The following SEMA3A variants were observed in gnomAD, a reference collection of about 807,000 sequenced individuals.
The protein encoded by SEMA3A is semaphorin-3A.
SEMA3A carries 29 observed loss-of-function variants against 97.9 expected under a neutral mutation model. The ratio of observed to expected loss-of-function variants is 0.30; its 90% confidence interval spans 0.22 to 0.40. The LOEUF (loss-of-function observed/expected upper bound fraction) is 0.40. Ranked by LOEUF, SEMA3A falls within the 10% of genes least tolerant of loss-of-function variation. The pLI is 1.00. For synonymous variants in SEMA3A, 321 were observed against 323.7 expected (o/e 0.99, Z 0.09); for missense variants, 763 against 951.3 (o/e 0.80, Z 2.60).
chr7:83,986,478 A>C (rs1472661463), intron 12 of SEMA3A, among the ~76,000 whole-genome samples: 1 of 152,212 alleles, frequency 6.6e-6, no homozygotes. Flanking sequence ...TGATGTAGAC[A>C]GACTACCAAA....
At chr7:84,269,584 T>C (rs969082800) in intron 3 of SEMA3A, among the ~76,000 whole-genome samples, 1 of 152,108 alleles carries the variant, frequency 6.6e-6, no homozygotes, top group Non-Finnish European at 1.5e-5. Context: ...AGAGCACATA[T>C]GAAAATTGGG....
rs2116242853 is a variant in SEMA3A at position 83,960,882 on chromosome 7, T to G, written c.*489A>C. ...TTTCATTCAGTATCATTTTACTCATTTTACTCCTCAAGTACATACAAACAT... is the reference window on the plus strand; with the variant it reads ...TTTCATTCAGTATCATTTTACTCATGTTACTCCTCAAGTACATACAAACAT... On this transcript the variant is annotated 3_prime_UTR_variant, in exon 17 of 17. Transcript: ENST00000265362. The G allele has an allele frequency of 6.3e-6, 1 of 158,718 alleles. No homozygotes were observed. The highest frequency in any genetic ancestry group is 1.9e-4 in the East Asian group (1 of 5,228). 9.8% of individuals were successfully genotyped at this position (158,718 alleles called of 1,614,324 possible). A position where few individuals can be genotyped will look rare whatever the true frequency, so the allele number is the denominator to read the frequency against.
chr7:84,173,315 G>A (rs2116211736), intron 1 of SEMA3A, among the ~76,000 whole-genome samples: 1 of 152,012 alleles, frequency 6.6e-6, no homozygotes, highest in African/African-American at 2.4e-5. Context: ...CAGCACTTTG[G>A]GAGGCCGAGG....
intron 1 of SEMA3A, among the ~76,000 whole-genome samples, chr7:84,423,594 C>A (rs1804660482): frequency 6.6e-6 from 1 of 151,982 alleles, no homozygotes; most frequent in South Asian, 2.1e-4. Flanking sequence ...ATAGTTATAT[C>A]ATCTATATCT....
Position 83,963,222 on chromosome 7 carries a change from C to T in SEMA3A, c.1843G>A (p.Glu615Lys), listed in dbSNP as rs1373948270. 1 of 1,613,294 alleles carries T rather than the reference C, an allele frequency of 6.2e-7. No homozygotes were observed. Among genetic ancestry groups the T allele is most frequent in the Non-Finnish European group, 8.5e-7 (1 of 1,179,966 alleles). ...TCCTGTACCTCTTCTTTTCGCTCTTCATTTCGCCTCTGGAATTGCCAATAG... is the reference window on the plus strand; with the variant it reads ...TCCTGTACCTCTTCTTTTCGCTCTTTATTTCGCCTCTGGAATTGCCAATAG... ...LVYWQFQRRN[E>K]ERKEEIRVDD... The change falls in exon 16 of 17, where the codon GAA becomes AAA. Residue 615 changes from glutamate (E) to lysine (K), a missense_variant. By Grantham distance (56) the Glu-to-Lys change is moderately conservative (BLOSUM62 1). This residue lies in a region of SEMA3A where 678 missense variants were observed against 881.3 expected (regional missense o/e 0.77). Transcript: ENST00000265362.
At chr7:84,038,490 T>A (rs1261845011) in intron 6 of SEMA3A, among the ~76,000 whole-genome samples, 2 of 152,062 alleles carry the variant, frequency 1.3e-5, no homozygotes, top group Non-Finnish European at 2.9e-5. Context: ...AACAACCAAA[T>A]GAGAGAGAAA....
intron 10 of SEMA3A, among the ~76,000 whole-genome samples, 166 bp from the exon 11 acceptor site, chr7:84,005,724 G>A (rs1361723231): frequency 6.6e-6 from 1 of 152,106 alleles, no homozygotes; most frequent in South Asian, 2.1e-4. Flanking sequence ...GATGCGGGTG[G>A]ATCACTTGAG....
chr7:84,354,406 G>A (rs1802507496), intron 2 of SEMA3A, among the ~76,000 whole-genome samples: 2 of 151,498 alleles, frequency 1.3e-5, no homozygotes, highest in African/African-American at 4.8e-5. Flanking sequence ...TTGTAAGATG[G>A]TATGAATCTG....
chr7:84,049,056 A>G (rs1305190116), intron 5 of SEMA3A, among the ~76,000 whole-genome samples: 1 of 152,122 alleles, frequency 6.6e-6, no homozygotes, highest in African/African-American at 2.4e-5. Flanking sequence ...ACAAAAGGTA[A>G]GAAGGTCCTT....
At chr7:83,985,364 A>G (rs927204653) in intron 13 of SEMA3A, 72 bp downstream of exon 13, 3 of 1,040,312 alleles carry the variant, frequency 2.9e-6, no homozygotes, top group Non-Finnish European at 4.3e-6. Flanking sequence ...AATTTGATAA[A>G]TAGATATATC....
At chr7:84,309,771 A>G (rs754415473) in intron 2 of SEMA3A, among the ~76,000 whole-genome samples, 1 of 152,188 alleles carries the variant, frequency 6.6e-6, no homozygotes. Flanking sequence ...GACTATGCTA[A>G]TATTTTGATG....
chr7:84,345,165 A>G (rs1363522623), intron 2 of SEMA3A, among the ~76,000 whole-genome samples: 1 of 152,206 alleles, frequency 6.6e-6, no homozygotes, highest in Non-Finnish European at 1.5e-5. Context: ...TTATGTTTAC[A>G]CTATACTGTA....
At chr7:84,395,110 A>T (rs1001388804) in intron 1 of SEMA3A, among the ~76,000 whole-genome samples, 1 of 152,144 alleles carries the variant, frequency 6.6e-6, no homozygotes, top group Non-Finnish European at 1.5e-5. Context: ...CCCACAGCAG[A>T]AGGAATGGTA....
chr7:84,067,546 A>T lies in SEMA3A; in HGVS notation c.454-6988T>A, dbSNP rs549170708. Among the ~76,000 whole-genome samples, 901 of 152,226 alleles carry T rather than the reference A, an allele frequency of 5.9e-3. 5 individuals are homozygous for T. Among genetic ancestry groups the T allele is most frequent in the Middle Eastern group, 0.031 (9 of 294 alleles). ...CATCTGACAAAGGGCTAATATCCAG[A>T]ATCTACATTGAACTCAAACAAATTT... On this transcript the variant is annotated intron_variant, in intron 4 of 16. Coordinates refer to ENST00000265362, the MANE Select transcript of SEMA3A (RefSeq NM_006080.3).
At chr7:84,157,492 T>G (rs1328818480) in intron 1 of SEMA3A, among the ~76,000 whole-genome samples, 1 of 152,186 alleles carries the variant, frequency 6.6e-6, no homozygotes, top group African/African-American at 2.4e-5. Flanking sequence ...AAGGGGACGC[T>G]GGAGAGCAGA....
intron 3 of SEMA3A, among the ~76,000 whole-genome samples, chr7:84,209,511 A>G (rs1252054645): frequency 6.6e-6 from 1 of 152,176 alleles, no homozygotes; most frequent in South Asian, 2.1e-4. Flanking sequence ...TTTTCTATAC[A>G]TGAATGAGAT....
intron 4 of SEMA3A, among the ~76,000 whole-genome samples, chr7:84,085,170 A>T (rs1043039546): frequency 3.9e-5 from 6 of 152,088 alleles, no homozygotes; most frequent in African/African-American, 1.4e-4. Context: ...TTCTCAAGGA[A>T]TGTTAAGCAT....
At chr7:84,135,739 T>C (rs1796105450) in intron 1 of SEMA3A, among the ~76,000 whole-genome samples, 1 of 152,222 alleles carries the variant, frequency 6.6e-6, no homozygotes, top group African/African-American at 2.4e-5. Flanking sequence ...TTTTAATATG[T>C]CTTTTTGATC....
chr7:84,463,499 T>G (rs543631567), intron 1 of SEMA3A, among the ~76,000 whole-genome samples: 2 of 151,958 alleles, frequency 1.3e-5, no homozygotes, highest in Non-Finnish European at 2.9e-5. Context: ...CCGCCCACCT[T>G]GGCCTCCCAA....
Sources: gnomAD v4.1 joint callset for allele counts (sites outside exome capture counted in the v4.1 genomes callset) on GRCh38, gnomAD v4.1.1 for gene constraint, gnomAD v4.1.1 regional missense constraint, MANE v1.5 for transcripts, NCBI Gene and HGNC (gene_info 2026-07-23, HGNC 2026-07-21) for gene names.